Variants in B3GALT1 observed in about 807,000 individuals in gnomAD.
B3GALT1 encodes UDP-Gal:betaGlcNAc beta 1,3-galactosyltransferase, polypeptide 1.
Under a neutral mutation model 23.2 loss-of-function variants are expected in B3GALT1, and 10 were observed. That is an observed-to-expected ratio of 0.43 (90% CI 0.27 to 0.73). The LOEUF is 0.73. B3GALT1 is among the 30% of genes least tolerant of loss of function. The pLI is 0.21. For synonymous variants in B3GALT1, 156 were observed against 141.5 expected, an observed-to-expected ratio of 1.10 and a Z score of -0.73; for missense variants, 299 against 405.4, an observed-to-expected ratio of 0.74 and a Z score of 2.25.
intron 2 of B3GALT1, among the ~76,000 whole-genome samples, 176 bp from the exon 3 acceptor site, chr2:167,646,733 A>G (rs947450248): frequency 6.6e-6 from 1 of 152,228 alleles, no homozygotes; most frequent in Non-Finnish European, 1.5e-5. Context: ...AAGAAGAGAA[A>G]GTAATGGCCC....
intron 1 of B3GALT1, among the ~76,000 whole-genome samples, chr2:167,401,520 C>G (rs956436314): frequency 6.6e-6 from 1 of 152,088 alleles, no homozygotes; most frequent in African/African-American, 2.4e-5. Flanking sequence ...CCTTGGGGTC[C>G]TCTTTCCCTA....
At chr2:167,452,179 A>G (rs1364102569) in intron 1 of B3GALT1, among the ~76,000 whole-genome samples, 1 of 151,446 alleles carries the variant, frequency 6.6e-6, no homozygotes, top group Non-Finnish European at 1.5e-5. Context: ...CTGTGTCTGC[A>G]CTCCTGATTC....
chr2:167,615,664 A>T (rs117687612), intron 2 of B3GALT1, among the ~76,000 whole-genome samples: 4,218 of 152,140 alleles, frequency 0.028, 314 homozygotes, highest in Admixed American at 0.17. Flanking sequence ...ATAAAAAAAA[A>T]TTGAAAAGCA....
intron 3 of B3GALT1, among the ~76,000 whole-genome samples, chr2:167,735,675 A>G (rs1687481147): frequency 6.6e-6 from 1 of 152,240 alleles, no homozygotes; most frequent in Admixed American, 6.5e-5. Flanking sequence ...GAGGACAGGA[A>G]GGAAATGAAA....
rs78095392 is a variant in B3GALT1, at chr2:167,307,438, C to G, written c.-511+14104C>G. Among the ~76,000 whole-genome samples, 257 of 152,042 alleles carry G rather than the reference C, an allele frequency of 1.7e-3. 11 individuals are homozygous for G. In the East Asian group the frequency reaches 0.047, roughly 28 times the overall value. On this transcript the variant is annotated intron_variant, in intron 1 of 4. Coordinates refer to ENST00000392690, the MANE Select transcript of B3GALT1 (RefSeq NM_020981.4). The stretch of plus-strand genomic sequence containing the variant: ...GTGTCATCTTATGTCTGAAGCATAA[C>G]ATTTTGTAGTTCTATGTACTTATTT...
chr2:167,429,479 G>A (rs1698675598), intron 1 of B3GALT1, among the ~76,000 whole-genome samples: 1 of 151,942 alleles, frequency 6.6e-6, no homozygotes, highest in African/African-American at 2.4e-5. Flanking sequence ...AGATAAACAT[G>A]AACCAAGTAT....
intron 2 of B3GALT1, among the ~76,000 whole-genome samples, chr2:167,594,588 A>C (rs1263382779): frequency 6.6e-6 from 1 of 152,128 alleles, no homozygotes; most frequent in Admixed American, 6.5e-5. Context: ...CACTTTTGGC[A>C]TTACAGCCTT....
intron 3 of B3GALT1, among the ~76,000 whole-genome samples, chr2:167,743,107 A>C (rs568697594): frequency 6.6e-6 from 1 of 152,058 alleles, no homozygotes; most frequent in East Asian, 1.9e-4. Context: ...GCTATAGTTC[A>C]CTCATTTTTT....
chr2:167,584,989 C>T (rs903111355), intron 2 of B3GALT1, among the ~76,000 whole-genome samples: 1 of 152,142 alleles, frequency 6.6e-6, no homozygotes, highest in Non-Finnish European at 1.5e-5. Context: ...CGTCTCATCC[C>T]CAGGGGAGGG....
chr2:167,424,391 C>T lies in B3GALT1; in HGVS notation c.-510-65786C>T, dbSNP rs79672497. ...AATTTGAGATCAGTGGACTGGCAGA[C>T]GAGCATAATATACAAGGAAGCACAG... On this transcript the variant is annotated intron_variant, in intron 1 of 4. Transcript: ENST00000392690. 5.0e-3 allele frequency among the ~76,000 whole-genome samples: 767 copies of T among 152,216 alleles called. 6 individuals carry two copies. The highest frequency in any genetic ancestry group is 0.018 in the East Asian group (94 of 5,174).
intron 2 of B3GALT1, among the ~76,000 whole-genome samples, chr2:167,525,710 T>A (rs1322918610): frequency 1.3e-5 from 2 of 151,902 alleles, no homozygotes; most frequent in African/African-American, 4.8e-5. Context: ...ACAGCTCAGG[T>A]GACCCTCCCA....
chr2:167,562,630 T>G (rs894427752), intron 2 of B3GALT1, among the ~76,000 whole-genome samples: 3 of 150,290 alleles, frequency 2.0e-5, no homozygotes, highest in Non-Finnish European at 4.4e-5. Flanking sequence ...AAAATCAATG[T>G]ACAAAAATCA....
chr2:167,372,450 A>C (rs1474506649), intron 1 of B3GALT1, among the ~76,000 whole-genome samples: 1 of 152,128 alleles, frequency 6.6e-6, no homozygotes, highest in Non-Finnish European at 1.5e-5. Context: ...TGAAGCCCAG[A>C]GGCCCCCTTC....
At chr2:167,850,835 G>A (rs912185591) in intron 4 of B3GALT1, among the ~76,000 whole-genome samples, 1 of 152,060 alleles carries the variant, frequency 6.6e-6, no homozygotes, top group Non-Finnish European at 1.5e-5. Context: ...GGAGGGGGCC[G>A]AGGGATAAAA....
intron 3 of B3GALT1, among the ~76,000 whole-genome samples, chr2:167,713,462 G>A (rs1490883811): frequency 6.6e-6 from 1 of 152,082 alleles, no homozygotes; most frequent in African/African-American, 2.4e-5. Context: ...TTTCAAACAT[G>A]TTTCTACATC....
At chr2:167,601,986 T>C (rs1339693989) in intron 2 of B3GALT1, among the ~76,000 whole-genome samples, 1 of 152,226 alleles carries the variant, frequency 6.6e-6, no homozygotes. Flanking sequence ...AAATATGTTT[T>C]ATATCAAAAC....
chr2:167,835,457 C>A (rs553370195), intron 4 of B3GALT1, among the ~76,000 whole-genome samples: 1 of 152,350 alleles, frequency 6.6e-6, no homozygotes, highest in African/African-American at 2.4e-5. Context: ...GATCAAACTG[C>A]AAAGTGGCAG....
chr2:167,421,057 T>C (rs1033709317), intron 1 of B3GALT1, among the ~76,000 whole-genome samples: 2 of 152,232 alleles, frequency 1.3e-5, no homozygotes, highest in Non-Finnish European at 1.5e-5. Context: ...ATATAATGCA[T>C]TATAATAGGA....
intron 4 of B3GALT1, among the ~76,000 whole-genome samples, chr2:167,837,092 A>G (rs1288760112): frequency 3.3e-5 from 5 of 152,376 alleles, no homozygotes; most frequent in Non-Finnish European, 5.9e-5. Flanking sequence ...TGTAAAGACC[A>G]TCGAGGCTAG....
Sources: gnomAD v4.1 joint callset for allele counts (sites outside exome capture counted in the v4.1 genomes callset) on GRCh38, gnomAD v4.1.1 for gene constraint, MANE v1.5 for transcripts, NCBI Gene and HGNC (gene_info 2026-07-23, HGNC 2026-07-21) for gene names.